The following EFHC1 variants were observed in gnomAD, a reference collection of about 807,000 sequenced individuals.
EFHC1 encodes the protein EF-hand domain-containing protein 1.
Under a neutral mutation model 69.9 loss-of-function variants are expected in EFHC1, and 53 were observed. The observed-to-expected ratio is 0.76, with a 90% CI of 0.61 to 0.95. The LOEUF (loss-of-function observed/expected upper bound fraction) is 0.95. Among genes scored for constraint, EFHC1 ranks in the 40% least tolerant of loss-of-function variants. The pLI, the probability that EFHC1 is intolerant of heterozygous loss-of-function variation, is 0.00. For missense variants in EFHC1, 739 were observed against 798.7 expected (o/e 0.93, Z 0.90); for synonymous variants, 256 against 278.4 (o/e 0.92, Z 0.80).
In EFHC1 at chr6:52,423,937, C is replaced by A. The variant is rs1292822787; in HGVS notation, c.64-9C>A. ...AATGTTATTAATGACACATTCTTTTCTTCTTCAGAAAACAGCCTTCCACAG... is the reference window on the plus strand; with the variant it reads ...AATGTTATTAATGACACATTCTTTTATTCTTCAGAAAACAGCCTTCCACAG... On this transcript the variant is annotated splice_polypyrimidine_tract_variant and intron_variant, in intron 1 of 10. Transcript: ENST00000371068. The A allele has an allele frequency of 6.2e-7, 1 of 1,613,694 alleles. No individual in the cohort carries two copies.
intron 7 of EFHC1, among the ~76,000 whole-genome samples, chr6:52,470,095 T>C (rs1489487179): frequency 6.6e-6 from 1 of 152,092 alleles, no homozygotes; most frequent in Non-Finnish European, 1.5e-5. Context: ...ATAGCAGAAG[T>C]TGAAATAAGT....
At chr6:52,449,153 G>T (rs192462741) in intron 3 of EFHC1, among the ~76,000 whole-genome samples, 1 of 152,174 alleles carries the variant, frequency 6.6e-6, no homozygotes, top group Middle Eastern at 3.2e-3. Context: ...GGAGGCTGAG[G>T]CGGGTGGATC....
At chr6:52,423,795 C>G in intron 1 of EFHC1, 151 bp from the exon 2 acceptor site, 1 of 1,533,040 alleles carries the variant, frequency 6.5e-7, no homozygotes, top group East Asian at 2.4e-5. Flanking sequence ...CACGAGCCAC[C>G]ATGCCCAGCC....
In EFHC1 at chr6:52,494,622, T is replaced by G. The variant is rs1299149271; in HGVS notation, c.*2281T>G. The G allele has an allele frequency of 2.2e-6, 1 of 454,130 alleles. No individual in the cohort carries two copies. Among genetic ancestry groups the G allele is most frequent in the East Asian group, 6.9e-5 (1 of 14,394 alleles). 28.1% of individuals were successfully genotyped at this position (454,130 alleles called of 1,614,324 possible). Reference sequence around the variant, plus strand: ...GATTCAGGGGGTACATGTGCAGGTTTGTTACATGAGTATATTGCACCCAGG... The same window carrying G: ...GATTCAGGGGGTACATGTGCAGGTTGGTTACATGAGTATATTGCACCCAGG... On this transcript the variant is annotated 3_prime_UTR_variant, in exon 11 of 11. Coordinates refer to ENST00000371068, the MANE Select transcript of EFHC1 (RefSeq NM_018100.4).
At chr6:52,480,048 C>T (rs1048390162) in intron 9 of EFHC1, 1 of 620,528 alleles carries the variant, frequency 1.6e-6, no homozygotes, top group Non-Finnish European at 2.8e-6. Flanking sequence ...GCTGAAAATT[C>T]ATGTATAACT....
chr6:52,478,749 A>G (rs1765599141), intron 7 of EFHC1, among the ~76,000 whole-genome samples: 1 of 152,160 alleles, frequency 6.6e-6, no homozygotes, highest in African/African-American at 2.4e-5. Context: ...TAAAATAATA[A>G]TCCACATTTT....
chr6:52,447,173 A>C (rs916827743), intron 3 of EFHC1, among the ~76,000 whole-genome samples: 1 of 152,194 alleles, frequency 6.6e-6, no homozygotes, highest in African/African-American at 2.4e-5. Flanking sequence ...ACTTGGTTAC[A>C]TTCTCCCCAT....
chr6:52,494,086 A>T lies in EFHC1; in HGVS notation c.*1745A>T. The T allele has an allele frequency of 8.9e-6, 3 of 335,778 alleles. No homozygotes were observed. Among genetic ancestry groups the T allele is most frequent in the Non-Finnish European group, 1.7e-5 (3 of 173,742 alleles). 20.8% of individuals were successfully genotyped at this position (335,778 alleles called of 1,614,324 possible). A position where few individuals can be genotyped will look rare whatever the true frequency, so the allele number is the denominator to read the frequency against. On this transcript the variant is annotated 3_prime_UTR_variant, in exon 11 of 11. Transcript: ENST00000371068. ...GTCGCTCATAACTATTTAAAACAGT[A>T]TCTCTTTCAAGTACAGATGCTCCTC... is the stretch of plus-strand genomic sequence containing the variant.
intron 3 of EFHC1, among the ~76,000 whole-genome samples, chr6:52,452,423 C>T (rs1186153617): frequency 6.6e-6 from 1 of 152,136 alleles, no homozygotes; most frequent in Non-Finnish European, 1.5e-5. Context: ...ACTTCAGCCT[C>T]CTGAGTAGCC....
chr6:52,441,383 G>A (rs1269926403), intron 3 of EFHC1, among the ~76,000 whole-genome samples: 1 of 151,976 alleles, frequency 6.6e-6, no homozygotes, highest in Admixed American at 6.6e-5. Context: ...GCTTATTTTT[G>A]TCAACTTTGT....
intron 6 of EFHC1, among the ~76,000 whole-genome samples, chr6:52,466,623 T>A (rs939200452): frequency 7.9e-5 from 12 of 152,236 alleles, no homozygotes; most frequent in African/African-American, 2.9e-4. Context: ...TATGTCCTAT[T>A]CATCTTTCTC....
chr6:52,492,237 C>A (rs1381218374), intron 10 of EFHC1, 33 bp from the exon 11 acceptor site: 4 of 1,597,650 alleles, frequency 2.5e-6, no homozygotes, highest in African/African-American at 1.3e-5. Flanking sequence ...CCCTGCAGAT[C>A]TGTCTCACCT....
intron 1 of EFHC1, among the ~76,000 whole-genome samples, chr6:52,422,848 T>A (rs1422630283): frequency 6.6e-6 from 1 of 152,204 alleles, no homozygotes; most frequent in African/African-American, 2.4e-5. Flanking sequence ...TCCATGCTTA[T>A]AATTGCAGTA....
chr6:52,452,659 A>G, intron 3 of EFHC1, 29 bp from the exon 4 acceptor site: 4 of 1,612,388 alleles, frequency 2.5e-6, no homozygotes, highest in Non-Finnish European at 3.4e-6. Flanking sequence ...TCCAAGAAAG[A>G]TGATCATTGT....
At chr6:52,480,821 G>A (rs1765658247) in intron 9 of EFHC1, among the ~76,000 whole-genome samples, 1 of 152,168 alleles carries the variant, frequency 6.6e-6, no homozygotes, top group African/African-American at 2.4e-5. Flanking sequence ...AGTGGGGGTG[G>A]CTGAAATTGA....
intron 5 of EFHC1, among the ~76,000 whole-genome samples, chr6:52,461,033 A>G (rs901052077): frequency 7.2e-5 from 11 of 152,228 alleles, no homozygotes; most frequent in African/African-American, 2.7e-4. Flanking sequence ...GTAATAGCAT[A>G]AGAAAGGGTG....
Position 52,493,388 on chromosome 6 carries a change from TA to T in EFHC1, c.*1048del. 8.4e-6 allele frequency: 1 copy of T among 119,734 alleles called. No homozygotes were observed. Among genetic ancestry groups the T allele is most frequent in the Non-Finnish European group, 1.7e-5 (1 of 57,734 alleles). 7.4% of individuals were successfully genotyped at this position (119,734 alleles called of 1,614,324 possible). A position where few individuals can be genotyped will look rare whatever the true frequency, so the allele number is the denominator to read the frequency against. ...TACATATATATATATATATATATTT[TA>T]TATGTACACATTCATACACACACAC... On this transcript the variant is annotated 3_prime_UTR_variant, in exon 11 of 11. Coordinates refer to ENST00000371068, the MANE Select transcript of EFHC1 (RefSeq NM_018100.4).
At chr6:52,486,861 A>C (rs1474762784) in intron 9 of EFHC1, 1 of 152,154 alleles carries the variant, frequency 6.6e-6, no homozygotes, top group East Asian at 1.9e-4. Context: ...CTTGAAGGTC[A>C]TTGGTTGTTT....
intron 10 of EFHC1, 88 bp from the exon 11 acceptor site, chr6:52,492,182 G>A (rs765584813): frequency 1.1e-5 from 13 of 1,161,288 alleles, no homozygotes; most frequent in African/African-American, 4.5e-5. Flanking sequence ...ACAAAGGCTC[G>A]GGATCATTAT....
Sources: gnomAD v4.1 joint callset for allele counts (sites outside exome capture counted in the v4.1 genomes callset) on GRCh38, gnomAD v4.1.1 for gene constraint, MANE v1.5 for transcripts, NCBI Gene and HGNC (gene_info 2026-07-23, HGNC 2026-07-21) for gene names.